The following ITIH3 variants were observed in gnomAD, a reference collection of about 807,000 sequenced individuals.
ITIH3 encodes the protein inter-alpha-trypsin inhibitor heavy chain H3.
In ITIH3, 81 loss-of-function variants were observed where a neutral mutation model predicts 96.5. The ratio of observed to expected loss-of-function variants is 0.84; its 90% CI spans 0.70 to 1.01. The LOEUF (loss-of-function observed/expected upper bound fraction) is 1.01, where lower values mean the gene tolerates loss of function less well. ITIH3 is among the 50% of genes least tolerant of loss of function. The pLI is 0.00. For missense variants in ITIH3, 1,057 were observed against 1,139.3 expected (o/e 0.93, Z 1.04); for synonymous variants, 422 against 445.2 (o/e 0.95, Z 0.66).
rs1553623626 is a variant in ITIH3 at position 52,802,426 on chromosome 3, C to G, written c.1476C>G (p.Tyr492Ter). ...TCCTGGACCTCACCCAGAACACTTACCAGCACTTCTACGATGGCTCTGAGA... is the reference window on the plus strand; with the variant it reads ...TCCTGGACCTCACCCAGAACACTTAGCAGCACTTCTACGATGGCTCTGAGA... ...NAILDLTQNT[Y>*]QHFYDGSEIV... Residue 492 changes from tyrosine to a stop codon, truncating the protein, a stop_gained, in exon 12 of 22, where the codon TAC becomes TAG. Transcript: ENST00000449956. LOFTEE classifies it high-confidence loss of function. 1 of 1,613,874 alleles carries G rather than the reference C, an allele frequency of 6.2e-7. No individual in the cohort carries two copies. Among genetic ancestry groups the G allele is most frequent in the Non-Finnish European group, 8.5e-7 (1 of 1,179,888 alleles).
At chr3:52,800,833 C>A (rs1699804463) in intron 10 of ITIH3, 132 bp from the exon 11 acceptor site, 1 of 1,463,656 alleles carries the variant, frequency 6.8e-7, no homozygotes, top group East Asian at 2.3e-5. Context: ...CTCTCCACCA[C>A]CTGCCCCACA....
intron 10 of ITIH3, 45 bp from the exon 11 acceptor site, chr3:52,800,920 T>C (rs757947202): frequency 2.5e-6 from 4 of 1,607,704 alleles, no homozygotes; most frequent in Non-Finnish European, 2.6e-6. Flanking sequence ...GTCTAGACCA[T>C]CCCCAGGGCT....
At chr3:52,804,857 A>G in intron 15 of ITIH3, 123 bp downstream of exon 15, 4 of 1,089,314 alleles carry the variant, frequency 3.7e-6, no homozygotes, top group Non-Finnish European at 5.5e-6. Flanking sequence ...ACCTGGGCTC[A>G]GGCCCAGCCC....
chr3:52,806,229 TG>T, intron 17 of ITIH3, 63 bp from the exon 18 acceptor site: 2 of 1,600,132 alleles, frequency 1.2e-6, no homozygotes. Context: ...GCCAGAAGGC[TG>T]GGGGAGGCCC....
chr3:52,800,575 T>C lies in ITIH3; in HGVS notation c.1113T>C (p.Ser371=). 7.0e-6 allele frequency: 11 copies of C among 1,563,180 alleles called. No homozygotes were observed. The highest frequency in any genetic ancestry group is 9.5e-6 in the Non-Finnish European group (11 of 1,153,494). Residue 371 remains serine, a synonymous_variant, in exon 10 of 22, where the codon AGT becomes AGC. Transcript: ENST00000449956. ...NINDGLLRGI[S]MLNKAREEHR... ...ATGACGGGCTGCTGAGGGGCATCAGTATGCTGAACAAGGCCCGAGAGGAGC... is the reference window on the plus strand; with the variant it reads ...ATGACGGGCTGCTGAGGGGCATCAGCATGCTGAACAAGGCCCGAGAGGAGC...
intron 4 of ITIH3, 126 bp downstream of exon 4, chr3:52,796,969 A>G: frequency 8.1e-7 from 1 of 1,239,946 alleles, no homozygotes; most frequent in South Asian, 1.5e-5. Flanking sequence ...CCATTATCCC[A>G]CGTTGAGGCT....
rs1313050072 is a variant in ITIH3, at chr3:52,797,949, A to G, written c.663+19A>G. 3 of 1,440,986 alleles carry G rather than the reference A, an allele frequency of 2.1e-6. No homozygotes were observed. The highest frequency in any genetic ancestry group is 2.9e-6 in the Non-Finnish European group (3 of 1,041,188). 89.3% of individuals were successfully genotyped at this position (1,440,986 alleles called of 1,614,324 possible). On this transcript the variant is annotated intron_variant, in intron 6 of 21. Coordinates refer to ENST00000449956, the MANE Select transcript of ITIH3 (RefSeq NM_002217.4). ...GAAAAAGGTGATGTAGATGCCTCTCAGACCTGGTGGGGCAGGGGACAGGAA... is the reference window on the plus strand; with the variant it reads ...GAAAAAGGTGATGTAGATGCCTCTCGGACCTGGTGGGGCAGGGGACAGGAA...
chr3:52,801,250 G>A, intron 11 of ITIH3, 104 bp downstream of exon 11: 1 of 1,088,184 alleles, frequency 9.2e-7, no homozygotes, highest in Non-Finnish European at 1.3e-6. Context: ...GCTTCGTCTT[G>A]GGTCAAAATC....
chr3:52,804,068 G>GAC (rs1299095223), intron 14 of ITIH3, 59 bp downstream of exon 14: 1 of 1,558,758 alleles, frequency 6.4e-7, no homozygotes, highest in Non-Finnish European at 8.7e-7. Flanking sequence ...ACCCTACCTG[G>GAC]GTGTCCAGTG....
chr3:52,801,234 G>C (rs1378361280), intron 11 of ITIH3, 88 bp downstream of exon 11: 1 of 1,223,306 alleles, frequency 8.2e-7, no homozygotes, highest in African/African-American at 1.6e-5. Flanking sequence ...CTAGTTATTA[G>C]GAAGAGCTTC....
chr3:52,799,913 A>T lies in ITIH3; in HGVS notation c.1067A>T (p.Asp356Val), dbSNP rs1373604781. 12 of 1,613,520 alleles carry T rather than the reference A, an allele frequency of 7.4e-6. No homozygotes were observed. Among genetic ancestry groups the T allele is most frequent in the Non-Finnish European group, 1.0e-5 (12 of 1,179,648 alleles). The change falls in exon 9 of 22, where the codon GAT becomes GTT. Residue 356 changes from aspartate to valine, a missense_variant. By Grantham distance (152) the Asp-to-Val change is radical. Transcript: ENST00000449956. ...AGGACGTTTGTGAAGAGCATGGAGG[A>T]TAAAGGAAGTAAGAGCGGAGCTGGA... ...EARTFVKSME[D>V]KGMTNINDGL...
chr3:52,795,680 T>C, intron 2 of ITIH3, 57 bp downstream of exon 2: 1 of 1,540,030 alleles, frequency 6.5e-7, no homozygotes, highest in Non-Finnish European at 8.9e-7. Flanking sequence ...TGGAGCTGGT[T>C]CCCCAACTGC....
At position 52,797,927 on chromosome 3, in the gene ITIH3, A is replaced by G. The variant is rs1699658842; in HGVS notation, c.660A>G (p.Lys220=). 6 of 1,583,876 alleles carry G rather than the reference A, an allele frequency of 3.8e-6. No homozygotes were observed. Among genetic ancestry groups the G allele is most frequent in the Middle Eastern group, 4.0e-4 (2 of 5,002 alleles). ...CCCTCACCAAGTCCTTCTCAGGGAAAAAGGTGATGTAGATGCCTCTCAGAC... is the reference window on the plus strand; with the variant it reads ...CCCTCACCAAGTCCTTCTCAGGGAAGAAGGTGATGTAGATGCCTCTCAGAC... The part of the protein sequence containing the change: ...GSALTKSFSG[K]KGHVSFKPSL... Residue 220 remains lysine, a synonymous_variant, in exon 6 of 22, where the codon AAA becomes AAG. Coordinates refer to ENST00000449956, the MANE Select transcript of ITIH3 (RefSeq NM_002217.4).
rs1415937360 is a variant in ITIH3, at chr3:52,803,413, G to A, written c.1710-442G>A. ...GGCTCACTGCAAGCTCCGCCTCCCG[G>A]GTTCACGCCATTCTCCTGCCTCAGC... On this transcript the variant is annotated intron_variant, in intron 13 of 21. Transcript: ENST00000449956. 2.6e-5 allele frequency among the ~76,000 whole-genome samples: 4 copies of A among 151,106 alleles called. No individual in the cohort carries two copies. In the South Asian group the frequency reaches 8.3e-4, roughly 31 times the overall value.
At chr3:52,804,166 G>A in intron 14 of ITIH3, 157 bp downstream of exon 14, 1 of 725,286 alleles carries the variant, frequency 1.4e-6, no homozygotes, top group Non-Finnish European at 2.3e-6. Flanking sequence ...AAGTGGGGTG[G>A]AGCGTGAAGC....
At chr3:52,796,099 G>C (rs1699569785) in intron 2 of ITIH3, 1 of 246,798 alleles carries the variant, frequency 4.1e-6, no homozygotes, top group Non-Finnish European at 7.8e-6. Flanking sequence ...CAGGAGGTGG[G>C]CTGGGCTGTG....
chr3:52,801,700 C>T (rs1458476026), intron 11 of ITIH3, among the ~76,000 whole-genome samples: 1 of 152,200 alleles, frequency 6.6e-6, no homozygotes, highest in Non-Finnish European at 1.5e-5. Flanking sequence ...GGACATCAAT[C>T]ATATTGGATT....
rs1380556925 is a variant in ITIH3 at position 52,804,737 on chromosome 3, A to T, written c.1873+3A>T. ...TGCTGCACCTGCAGATGCAGAAGGT[A>T]AGCCTTTAGCCAGCCACCGGGTTGG... On this transcript the variant is annotated splice_donor_region_variant and intron_variant, in intron 15 of 21. Transcript: ENST00000449956. 6.3e-7 allele frequency: 1 copy of T among 1,588,876 alleles called. No individual in the cohort carries two copies. The highest frequency in any genetic ancestry group is 1.3e-5 in the African/African-American group (1 of 74,510).
chr3:52,806,845 C>T, intron 18 of ITIH3, 56 bp from the exon 19 acceptor site: 3 of 1,439,886 alleles, frequency 2.1e-6, no homozygotes, highest in Non-Finnish European at 2.9e-6. Flanking sequence ...CCCCTAAAGG[C>T]AATCTGGACT....
Sources: allele counts gnomAD v4.1 joint callset (sites outside exome capture counted in the v4.1 genomes callset), GRCh38; gene constraint gnomAD v4.1.1; transcripts MANE v1.5; gene names NCBI Gene and HGNC (gene_info 2026-07-23, HGNC 2026-07-21).